The following C8orf34 variants were observed in gnomAD, a reference collection of about 807,000 sequenced individuals.
The protein encoded by C8orf34 is uncharacterized protein C8orf34.
Under a neutral mutation model 68.3 loss-of-function variants are expected in C8orf34, and 65 were observed. The ratio of observed to expected loss-of-function variants is 0.95; its 90% CI spans 0.78 to 1.17. The LOEUF (loss-of-function observed/expected upper bound fraction) is 1.17, where lower values mean the gene tolerates loss of function less well. C8orf34 is among the 50% of genes most tolerant of loss of function. The pLI, the probability that C8orf34 is intolerant of heterozygous loss-of-function variation, is 0.00. For missense variants in C8orf34, 664 were observed against 655.4 expected, an observed-to-expected ratio of 1.01 and a Z score of -0.14; for synonymous variants, 244 against 241.2, an observed-to-expected ratio of 1.01 and a Z score of -0.11.
chr8:68,817,087 G>T (rs1585928816), intron 13 of C8orf34, among the ~76,000 whole-genome samples: 1 of 152,070 alleles, frequency 6.6e-6, no homozygotes, highest in African/African-American at 2.4e-5. Flanking sequence ...AATGGATCAG[G>T]AACTACTGTC....
chr8:68,510,406 G>C (rs1246755055), intron 5 of C8orf34, among the ~76,000 whole-genome samples: 1 of 152,164 alleles, frequency 6.6e-6, no homozygotes, highest in East Asian at 1.9e-4. Context: ...GGCAGGATTT[G>C]CAGGATAATT....
intron 7 of C8orf34, chr8:68,534,187 A>C (rs1484013603): frequency 6.1e-6 from 6 of 985,246 alleles, no homozygotes; most frequent in Non-Finnish European, 7.2e-6. Flanking sequence ...GACAGGTTTG[A>C]AAGATGTTTT....
chr8:68,734,054 C>T (rs1386774357), intron 10 of C8orf34, among the ~76,000 whole-genome samples: 1 of 151,766 alleles, frequency 6.6e-6, no homozygotes, highest in African/African-American at 2.4e-5. Flanking sequence ...ATTTGCATTC[C>T]AGTAGTAAGA....
chr8:68,516,155 C>G (rs1814503163), intron 5 of C8orf34, among the ~76,000 whole-genome samples: 1 of 152,150 alleles, frequency 6.6e-6, no homozygotes, highest in Non-Finnish European at 1.5e-5. Context: ...AGACATTCTT[C>G]TTATATGGCT....
At chr8:68,651,192 T>G (rs138374038) in intron 8 of C8orf34, among the ~76,000 whole-genome samples, 2 of 152,266 alleles carry the variant, frequency 1.3e-5, no homozygotes, top group African/African-American at 4.8e-5. Flanking sequence ...CATCCATCTA[T>G]TCCATAAAAC....
In C8orf34 at chr8:68,816,105, A is replaced by T. The variant is rs541549020; in HGVS notation, c.1609+160A>T. Among the ~76,000 whole-genome samples, 1,381 of 144,608 alleles carry T rather than the reference A, an allele frequency of 9.5e-3. 22 individuals carry two copies. Among genetic ancestry groups the T allele is most frequent in the African/African-American group, 0.033 (1,273 of 39,104 alleles). The allele number at this position is 144,608 out of a possible 152,430, so 94.9% of individuals were successfully genotyped here. A position where few individuals can be genotyped will look rare whatever the true frequency, so the allele number is the denominator to read the frequency against. On this transcript the variant is annotated intron_variant, in intron 13 of 13. Transcript: ENST00000518698. The stretch of plus-strand genomic sequence containing the variant: ...GCATAAGATTATAAGATTTCCTAAG[A>T]GTGTGTGTGTGTGTGTGTGTGTGTG...
intron 3 of C8orf34, chr8:68,446,816 C>A: frequency 3.8e-6 from 1 of 263,292 alleles, no homozygotes. Flanking sequence ...CAAATTAAAT[C>A]TCTTAGAATA....
intron 1 of C8orf34, among the ~76,000 whole-genome samples, chr8:68,416,647 T>A (rs1809681175): frequency 6.6e-6 from 1 of 152,018 alleles, no homozygotes; most frequent in Non-Finnish European, 1.5e-5. Context: ...TTCTTCTGCT[T>A]CAGCCTCTGA....
chr8:68,411,598 T>A (rs1463945970), intron 1 of C8orf34, among the ~76,000 whole-genome samples: 3 of 152,196 alleles, frequency 2.0e-5, no homozygotes, highest in Non-Finnish European at 4.4e-5. Context: ...ACTGTGTTTT[T>A]ATCAAACATA....
chr8:68,778,132 T>C (rs1019287557), intron 11 of C8orf34, among the ~76,000 whole-genome samples: 3 of 152,222 alleles, frequency 2.0e-5, no homozygotes, highest in Non-Finnish European at 4.4e-5. Flanking sequence ...AATATATATG[T>C]ACTTAAACTC....
At chr8:68,455,775 A>C (rs1276997384) in intron 3 of C8orf34, among the ~76,000 whole-genome samples, 1 of 152,116 alleles carries the variant, frequency 6.6e-6, no homozygotes, top group Non-Finnish European at 1.5e-5. Flanking sequence ...CTCTTTAGGA[A>C]TAGAAGGATA....
At chr8:68,491,242 CT>C (rs752073548) in intron 5 of C8orf34, among the ~76,000 whole-genome samples, 606 of 142,112 alleles carry the variant, frequency 4.3e-3, no homozygotes, top group Middle Eastern at 7.4e-3. Flanking sequence ...ATTTTTTAAG[CT>C]TTTTTTTTTT....
rs76858769 is a variant in C8orf34 at position 68,535,655 on chromosome 8, T to G, written c.1105+2506T>G. 392 of 696,444 alleles carry G rather than the reference T, an allele frequency of 5.6e-4. 1 individual carries two copies. The African/African-American group carries it at 7.2e-3, about 13-fold the overall frequency. 43.1% of individuals were successfully genotyped at this position (696,444 alleles called of 1,614,324 possible). ...GTTGTTTAATTATATATTTGTGGAT[T>G]TCTTTTCTAAATGTTTTAGGCATAT... On this transcript the variant is annotated intron_variant, in intron 7 of 13. Transcript: ENST00000518698.
At chr8:68,386,284 A>G (rs1016851513) in intron 1 of C8orf34, among the ~76,000 whole-genome samples, 1 of 152,228 alleles carries the variant, frequency 6.6e-6, no homozygotes. Flanking sequence ...CTTTATAGGG[A>G]TAAATCTGAA....
chr8:68,771,448 A>G (rs1823332133), intron 10 of C8orf34, among the ~76,000 whole-genome samples: 1 of 152,184 alleles, frequency 6.6e-6, no homozygotes, highest in Non-Finnish European at 1.5e-5. Context: ...AGGAAGTGAT[A>G]TATGATGTTG....
intron 10 of C8orf34, among the ~76,000 whole-genome samples, chr8:68,742,665 A>G (rs546993952): frequency 7.9e-5 from 12 of 152,268 alleles, no homozygotes; most frequent in Admixed American, 7.8e-4. Flanking sequence ...TGTACAAATG[A>G]TTTCATTTTC....
At chr8:68,456,811 G>A (rs887168753) in intron 3 of C8orf34, among the ~76,000 whole-genome samples, 3 of 152,078 alleles carry the variant, frequency 2.0e-5, no homozygotes, top group Non-Finnish European at 4.4e-5. Context: ...GCAAGGTAGC[G>A]TTATAGTATC....
intron 7 of C8orf34, among the ~76,000 whole-genome samples, chr8:68,553,591 T>G (rs55677767): frequency 0.2 from 30,697 of 151,898 alleles, 4,124 homozygotes; most frequent in African/African-American, 0.38. Flanking sequence ...TTTTGATAAT[T>G]TATTTATTCC....
intron 9 of C8orf34, among the ~76,000 whole-genome samples, chr8:68,719,223 G>A (rs1269394902): frequency 1.3e-5 from 2 of 151,994 alleles, no homozygotes; most frequent in Admixed American, 6.6e-5. Flanking sequence ...TGGGCTATTT[G>A]GCAGTATCCA....
Sources: gnomAD v4.1 joint callset for allele counts (sites outside exome capture counted in the v4.1 genomes callset) on GRCh38, gnomAD v4.1.1 for gene constraint, MANE v1.5 for transcripts, NCBI Gene and HGNC (gene_info 2026-07-23, HGNC 2026-07-21) for gene names.